Variants in SPATA16 observed in about 807,000 individuals in gnomAD.
The protein encoded by SPATA16 is spermatogenesis-associated protein 16.
In SPATA16, 36 loss-of-function variants were observed where a neutral mutation model predicts 63.3. The observed-to-expected ratio is 0.57, with a 90% CI of 0.44 to 0.75. SPATA16 has a LOEUF of 0.75. Ranked by LOEUF, SPATA16 falls within the 30% of genes least tolerant of loss-of-function variation. SPATA16 has a pLI of 0.00. For missense variants in SPATA16, 646 were observed against 679.3 expected (o/e 0.95, Z 0.54); for synonymous variants, 203 against 216.7 (o/e 0.94, Z 0.56).
intron 10 of SPATA16, 145 bp downstream of exon 10, chr3:172,913,516 G>C (rs1269878981): frequency 1.4e-6 from 1 of 718,998 alleles, no homozygotes; most frequent in Non-Finnish European, 2.4e-6. Flanking sequence ...CACTTCCAGG[G>C]AGAGAGCTGC....
chr3:173,140,983 A>T (rs1171108596), intron 1 of SPATA16, 120 bp downstream of exon 1: 1 of 152,340 alleles, frequency 6.6e-6, no homozygotes, highest in East Asian at 1.9e-4. Flanking sequence ...GCAGGAAGAA[A>T]GGAGCTCCTG....
chr3:172,993,879 G>A (rs1734638615), intron 4 of SPATA16, among the ~76,000 whole-genome samples: 1 of 152,094 alleles, frequency 6.6e-6, no homozygotes, highest in African/African-American at 2.4e-5. Context: ...TGGGGGGACT[G>A]AAGTCTTGTA....
Position 173,092,244 on chromosome 3 carries a change from G to T in SPATA16, c.612+24876C>A, listed in dbSNP as rs373318721. Reference sequence around the variant, plus strand: ...GGCAAGCTATTTTGTCAGCTTGCAAGTCAAGTAATATCTCATAGTCTTCAC... The same window carrying T: ...GGCAAGCTATTTTGTCAGCTTGCAATTCAAGTAATATCTCATAGTCTTCAC... On this transcript the variant is annotated intron_variant, in intron 2 of 10. Transcript: ENST00000351008. Among the ~76,000 whole-genome samples the T allele has an allele frequency of 1.6e-4, 25 of 152,290 alleles. 1 individual carries two copies. The highest frequency in any genetic ancestry group is 6.0e-4 in the African/African-American group (25 of 41,586).
chr3:172,945,543 A>G (rs1733262549), intron 6 of SPATA16, among the ~76,000 whole-genome samples: 1 of 152,208 alleles, frequency 6.6e-6, no homozygotes, highest in African/African-American at 2.4e-5. Context: ...CCCCTTCCCC[A>G]TTCCCTGGCA....
intron 4 of SPATA16, among the ~76,000 whole-genome samples, chr3:173,004,778 C>T (rs1470557952): frequency 6.6e-6 from 1 of 152,110 alleles, no homozygotes; most frequent in Non-Finnish European, 1.5e-5. Context: ...GCTAAGTGCT[C>T]TATATAAATT....
At chr3:172,903,190 T>A (rs1732159950) in intron 10 of SPATA16, among the ~76,000 whole-genome samples, 1 of 152,224 alleles carries the variant, frequency 6.6e-6, no homozygotes, top group South Asian at 2.1e-4. Context: ...AAGACATTTT[T>A]AGTAATTTAA....
Position 172,889,600 on chromosome 3 carries a change from C to T in SPATA16, c.1680G>A (p.Met560Ile). The T allele has an allele frequency of 1.9e-6, 3 of 1,613,576 alleles. No individual in the cohort carries two copies. The highest frequency in any genetic ancestry group is 3.3e-4 in the Middle Eastern group (2 of 5,998). The change falls in exon 11 of 11, where the codon ATG (methionine) becomes ATA (isoleucine). Residue 560 changes from methionine (M) to isoleucine (I), a missense_variant. Met to Ile is a conservative substitution (Grantham distance 10, BLOSUM62 1). Transcript: ENST00000351008. ...TTTGCTGAACAGTTTGAAGTCGCTT[C>T]ATTTTTGTTTTTTGCCTTCGAGCAG... ...LRTARRQKTK[M>I]KRLQTVQQR
In SPATA16 at chr3:172,889,694, T is replaced by C. The variant is rs757711631; in HGVS notation, c.1588-2A>G. ...TAGAAAATCTTCAATTTGTCCAACC[T>C]AGAAGAAATAAACAGATGCAACAAG... On this transcript the variant is annotated splice_acceptor_variant, in intron 10 of 10. Transcript: ENST00000351008. LOFTEE classifies it high-confidence loss of function. 1.1e-5 allele frequency: 18 copies of C among 1,612,522 alleles called. No individual in the cohort carries two copies. The highest frequency in any genetic ancestry group is 9.3e-6 in the Non-Finnish European group (11 of 1,179,636).
intron 10 of SPATA16, among the ~76,000 whole-genome samples, chr3:172,897,088 A>G (rs1240063378): frequency 1.3e-5 from 2 of 152,140 alleles, no homozygotes; most frequent in African/African-American, 2.4e-5. Flanking sequence ...ATTTAAGTCT[A>G]TAACCTAATT....
chr3:172,958,416 C>A (rs1485677583), intron 5 of SPATA16, among the ~76,000 whole-genome samples: 1 of 152,124 alleles, frequency 6.6e-6, no homozygotes, highest in Admixed American at 6.5e-5. Flanking sequence ...TGGTGCTTAC[C>A]TGTGTTCACT....
chr3:172,992,144 A>AG (rs1217279816), intron 4 of SPATA16, among the ~76,000 whole-genome samples: 8 of 152,080 alleles, frequency 5.3e-5, no homozygotes, highest in African/African-American at 1.7e-4. Context: ...GTTTGCTTGA[A>AG]GGGGGGTAAT....
chr3:173,042,615 A>G (rs1395018072), intron 3 of SPATA16, among the ~76,000 whole-genome samples: 1 of 152,218 alleles, frequency 6.6e-6, no homozygotes, highest in Non-Finnish European at 1.5e-5. Flanking sequence ...ACAATAAAAC[A>G]CAAACCTGAT....
At chr3:173,137,173 G>T (rs901022274) in intron 1 of SPATA16, among the ~76,000 whole-genome samples, 1 of 152,160 alleles carries the variant, frequency 6.6e-6, no homozygotes, top group Non-Finnish European at 1.5e-5. Flanking sequence ...ACACCTCCAG[G>T]TGGGAATGTC....
At position 173,049,085 on chromosome 3, in the gene SPATA16, T is replaced by C. The variant is rs766377512; in HGVS notation, c.622A>G (p.Lys208Glu). Residue 208 changes from lysine (K) to glutamate (E), a missense_variant, in exon 3 of 11, where the codon AAA becomes GAA. Transcript: ENST00000351008. ...AATGGTTCTCCCAGAACTGCTCCTTTGCTGCAAAGCTTTAAAAAATATAGT... is the reference window on the plus strand; with the variant it reads ...AATGGTTCTCCCAGAACTGCTCCTTCGCTGCAAAGCTTTAAAAAATATAGT... ...QFRTALELCSKGAVLGEPFDA... is the reference protein window; with the variant it reads ...QFRTALELCSEGAVLGEPFDA... 11 of 1,613,090 alleles carry C rather than the reference T, an allele frequency of 6.8e-6. No individual in the cohort carries two copies. The South Asian group carries it at 1.2e-4, about 18-fold the overall frequency.
At chr3:173,086,113 C>A (rs1449967545) in intron 2 of SPATA16, among the ~76,000 whole-genome samples, 2 of 152,038 alleles carry the variant, frequency 1.3e-5, no homozygotes, top group Non-Finnish European at 2.9e-5. Context: ...AAAAATGGTA[C>A]CAGCTCCTCT....
intron 5 of SPATA16, among the ~76,000 whole-genome samples, chr3:172,976,334 T>C (rs1013150323): frequency 2.6e-5 from 4 of 152,090 alleles, no homozygotes; most frequent in African/African-American, 4.8e-5. Flanking sequence ...CAGAAACTTA[T>C]TGACAGCTTG....
intron 2 of SPATA16, among the ~76,000 whole-genome samples, chr3:173,107,388 G>A (rs368329866): frequency 4.0e-5 from 6 of 151,518 alleles, no homozygotes; most frequent in African/African-American, 1.5e-4. Flanking sequence ...CAGTGTTCTA[G>A]GTATTCATAA....
chr3:172,919,254 T>C (rs983689417), intron 8 of SPATA16, among the ~76,000 whole-genome samples: 4 of 152,144 alleles, frequency 2.6e-5, no homozygotes, highest in Admixed American at 2.0e-4. Context: ...AGTTAATGAA[T>C]GGAAAAGTAT....
chr3:172,958,801 G>A (rs972383989), intron 5 of SPATA16, among the ~76,000 whole-genome samples: 2 of 152,096 alleles, frequency 1.3e-5, no homozygotes, highest in Non-Finnish European at 2.9e-5. Flanking sequence ...GTGTGTGTGT[G>A]TGTTCTAATT....
Sources: allele counts gnomAD v4.1 joint callset (sites outside exome capture counted in the v4.1 genomes callset), GRCh38; gene constraint gnomAD v4.1.1; transcripts MANE v1.5; gene names NCBI Gene and HGNC (gene_info 2026-07-23, HGNC 2026-07-21).